Variants in ASIC2 observed in about 807,000 individuals in gnomAD.
ASIC2 encodes acid-sensing ion channel 2.
ASIC2 carries 25 observed loss-of-function variants against 57.3 expected under a neutral mutation model. That is an observed-to-expected ratio of 0.44 (90% CI 0.32 to 0.61). ASIC2 has a LOEUF of 0.61. Ranked by LOEUF, ASIC2 falls within the 20% of genes least tolerant of loss-of-function variation. ASIC2 has a pLI of 0.06. For missense variants in ASIC2, 641 were observed against 738.1 expected, an observed-to-expected ratio of 0.87 and a Z score of 1.52; for synonymous variants, 319 against 307.5, an observed-to-expected ratio of 1.04 and a Z score of -0.39.
chr17:34,104,672 A>G (rs1238934906), intron 1 of ASIC2, among the ~76,000 whole-genome samples: 1 of 152,098 alleles, frequency 6.6e-6, no homozygotes, highest in Non-Finnish European at 1.5e-5. Context: ...ACTGTCATTA[A>G]TGAGTGCTGG....
At chr17:33,693,142 T>C (rs899688655) in intron 1 of ASIC2, among the ~76,000 whole-genome samples, 6 of 152,224 alleles carry the variant, frequency 3.9e-5, no homozygotes, top group Non-Finnish European at 7.3e-5. Context: ...GTTTGATTTG[T>C]AGGCTTGCTA....
At chr17:33,126,233 G>A (rs1468428099) in intron 1 of ASIC2, among the ~76,000 whole-genome samples, 1 of 152,232 alleles carries the variant, frequency 6.6e-6, no homozygotes, top group African/African-American at 2.4e-5. Flanking sequence ...CTTTTTTACT[G>A]AGATGGATCC....
At chr17:33,946,592 T>C (rs574947247) in intron 1 of ASIC2, among the ~76,000 whole-genome samples, 4 of 152,314 alleles carry the variant, frequency 2.6e-5, no homozygotes, top group Admixed American at 2.0e-4. Context: ...GAACGAGACA[T>C]GTTCACTGCC....
intron 1 of ASIC2, among the ~76,000 whole-genome samples, chr17:33,869,906 T>C (rs961742893): frequency 6.6e-6 from 1 of 152,216 alleles, no homozygotes; most frequent in Non-Finnish European, 1.5e-5. Context: ...GAATTATATC[T>C]CAATAAAAGT....
intron 1 of ASIC2, among the ~76,000 whole-genome samples, chr17:33,772,141 C>G (rs1174546796): frequency 6.6e-6 from 1 of 152,138 alleles, no homozygotes; most frequent in African/African-American, 2.4e-5. Context: ...AGCTGTAAAA[C>G]CTAAAAATAT....
intron 1 of ASIC2, among the ~76,000 whole-genome samples, chr17:33,722,386 G>T (rs561194300): frequency 1.3e-5 from 2 of 152,284 alleles, no homozygotes; most frequent in South Asian, 4.1e-4. Context: ...TATTAGCAGC[G>T]TGAGAATAGA....
At chr17:33,655,968 G>A (rs28417324) in intron 1 of ASIC2, among the ~76,000 whole-genome samples, 1 of 152,016 alleles carries the variant, frequency 6.6e-6, no homozygotes, top group Non-Finnish European at 1.5e-5. Flanking sequence ...TGGGGGGATA[G>A]TATTATTATA....
chr17:34,044,438 C>A (rs999822203), intron 1 of ASIC2, among the ~76,000 whole-genome samples: 1 of 152,082 alleles, frequency 6.6e-6, no homozygotes, highest in Admixed American at 6.5e-5. Flanking sequence ...AAATAGGATG[C>A]GGCTGTGGTT....
rs369694833 is a variant in ASIC2, at chr17:33,653,565, CCTT to C, written c.555+502410_555+502412del. Among the ~76,000 whole-genome samples the C allele has an allele frequency of 6.6e-3, 1,003 of 152,294 alleles. 17 individuals are homozygous for C. The highest frequency in any genetic ancestry group is 0.022 in the African/African-American group (920 of 41,556). ...CAGAACAGAAGCTAGGTCAATTACA[CCTT>C]CTTGTCTGCCTGGCTCCAGGCCAGT... On this transcript the variant is annotated intron_variant, in intron 1 of 9. Coordinates refer to the ASIC2 transcript ENST00000359872.
chr17:33,463,319 G>A lies in ASIC2; in HGVS notation c.556-351252C>T, dbSNP rs150595686. On this transcript the variant is annotated intron_variant, in intron 1 of 9. Coordinates refer to the ASIC2 transcript ENST00000359872. ...ATCATCCCCAGAGGAAGTTTCTGGCGTGCTTTATAGTTGGAGCTATATAAC... is the reference window on the plus strand; with the variant it reads ...ATCATCCCCAGAGGAAGTTTCTGGCATGCTTTATAGTTGGAGCTATATAAC... 2.5e-4 allele frequency among the ~76,000 whole-genome samples: 38 copies of A among 152,278 alleles called. 1 individual carries two copies. In the East Asian group the frequency reaches 2.9e-3, roughly 12 times the overall value.
At chr17:33,674,763 G>A (rs1209979918) in intron 1 of ASIC2, among the ~76,000 whole-genome samples, 4 of 152,146 alleles carry the variant, frequency 2.6e-5, no homozygotes, top group African/African-American at 4.8e-5. Flanking sequence ...TGGCTGGCCT[G>A]AAAAAGAAGC....
chr17:33,058,649 C>T (rs995627555), intron 3 of ASIC2, among the ~76,000 whole-genome samples: 3 of 152,066 alleles, frequency 2.0e-5, no homozygotes, highest in African/African-American at 7.2e-5. Context: ...ATCTTCCTTT[C>T]GGCCCCTACT....
chr17:33,357,953 C>A (rs1416520356), intron 1 of ASIC2, among the ~76,000 whole-genome samples: 2 of 152,192 alleles, frequency 1.3e-5, no homozygotes, highest in Non-Finnish European at 1.5e-5. Context: ...CCCATCCCTA[C>A]TGAAATGGAG....
chr17:33,711,137 G>A (rs1909020918), intron 1 of ASIC2, among the ~76,000 whole-genome samples: 1 of 152,102 alleles, frequency 6.6e-6, no homozygotes, highest in South Asian at 2.1e-4. Context: ...CCCTTAGAGT[G>A]GCGTTGTGTT....
intron 1 of ASIC2, among the ~76,000 whole-genome samples, chr17:34,068,819 C>A (rs2142066107): frequency 6.6e-6 from 1 of 152,296 alleles, no homozygotes; most frequent in South Asian, 2.1e-4. Context: ...TCCAGTGGGC[C>A]CTCAGGGGAG....
chr17:33,341,369 G>A lies in ASIC2; in HGVS notation c.556-229302C>T, dbSNP rs566431166. On this transcript the variant is annotated intron_variant, in intron 1 of 9. Transcript: ENST00000359872. ...CCACATAATTCATCATCCAATCCAA[G>A]CCACTTTGGAGAGTGAAATGAATTT... 2.6e-5 allele frequency among the ~76,000 whole-genome samples: 4 copies of A among 152,276 alleles called. No homozygotes were observed. The South Asian group carries it at 8.3e-4, about 32-fold the overall frequency.
chr17:33,695,027 A>C (rs556999445), intron 1 of ASIC2, among the ~76,000 whole-genome samples: 1 of 152,348 alleles, frequency 6.6e-6, no homozygotes, highest in East Asian at 1.9e-4. Context: ...GTAATTTTTA[A>C]AGGTAGCTAT....
intron 1 of ASIC2, among the ~76,000 whole-genome samples, chr17:33,221,282 G>A (rs1453613654): frequency 6.6e-6 from 1 of 152,076 alleles, no homozygotes; most frequent in African/African-American, 2.4e-5. Context: ...GCTTGTGAAT[G>A]TTCAAATACC....
At chr17:33,429,008 G>A (rs1466489769) in intron 1 of ASIC2, among the ~76,000 whole-genome samples, 1 of 152,118 alleles carries the variant, frequency 6.6e-6, no homozygotes, top group Non-Finnish European at 1.5e-5. Context: ...TGATTAGAAA[G>A]GGAGTCCTAG....
Sources: allele counts gnomAD v4.1 joint callset (sites outside exome capture counted in the v4.1 genomes callset), GRCh38; gene constraint gnomAD v4.1.1; transcripts MANE v1.5; gene names NCBI Gene and HGNC (gene_info 2026-07-23, HGNC 2026-07-21).